EXOC6: variants seen among roughly 807,000 people sequenced by gnomAD.
EXOC6 encodes SEC15-like 1.
EXOC6 carries 60 observed loss-of-function variants against 112.5 expected under a neutral mutation model. The observed-to-expected ratio is 0.53, with a 90% CI of 0.43 to 0.66. The LOEUF is 0.66. Ranked by LOEUF, EXOC6 falls within the 30% of genes least tolerant of loss-of-function variation. The pLI is 0.00. For missense variants in EXOC6, 855 were observed against 957.1 expected (o/e 0.89, Z 1.41); for synonymous variants, 295 against 308.0 (o/e 0.96, Z 0.44).
chr10:92,975,579 C>G (rs1842520423), intron 18 of EXOC6, among the ~76,000 whole-genome samples: 1 of 144,962 alleles, frequency 6.9e-6, no homozygotes, highest in African/African-American at 2.6e-5. Flanking sequence ...GGGATCAGCC[C>G]CCTGCCCGGC....
At chr10:92,862,741 A>G (rs1295004111) in intron 1 of EXOC6, among the ~76,000 whole-genome samples, 1 of 152,226 alleles carries the variant, frequency 6.6e-6, no homozygotes, top group Non-Finnish European at 1.5e-5. Context: ...AATTCTCATT[A>G]TATAGATAGT....
At chr10:92,857,164 T>A (rs1465264956) in intron 1 of EXOC6, among the ~76,000 whole-genome samples, 2 of 127,076 alleles carry the variant, frequency 1.6e-5, no homozygotes, top group Non-Finnish European at 3.4e-5. Context: ...ATTTCTTTCT[T>A]CCTTTTTTTT....
intron 8 of EXOC6, among the ~76,000 whole-genome samples, chr10:92,924,676 A>T (rs7897839): frequency 0.78 from 119,251 of 152,128 alleles, 47,996 homozygotes; most frequent in East Asian, 1. Context: ...TGCATTTTTT[A>T]ATGTACTTTT....
chr10:92,855,359 G>C (rs4933749), intron 1 of EXOC6, among the ~76,000 whole-genome samples: 113,894 of 152,090 alleles, frequency 0.75, 43,445 homozygotes, highest in East Asian at 1. Flanking sequence ...ACCATGCCCA[G>C]CTCTGTAATT....
At chr10:92,868,766 T>A (rs1848298684) in intron 1 of EXOC6, among the ~76,000 whole-genome samples, 1 of 151,888 alleles carries the variant, frequency 6.6e-6, no homozygotes. Flanking sequence ...ACTATTTTAA[T>A]TGGGCCCTCC....
intron 16 of EXOC6, among the ~76,000 whole-genome samples, chr10:92,955,004 C>T (rs527613985): frequency 6.6e-6 from 1 of 152,022 alleles, no homozygotes; most frequent in African/African-American, 2.4e-5. Flanking sequence ...CCAGCCTGGG[C>T]AATATAGTGA....
chr10:92,950,745 G>T (rs1159351439), intron 14 of EXOC6, among the ~76,000 whole-genome samples: 1 of 152,172 alleles, frequency 6.6e-6, no homozygotes, highest in Non-Finnish European at 1.5e-5. Flanking sequence ...TTTTCCTGAG[G>T]GTTATGGGAA....
intron 9 of EXOC6, among the ~76,000 whole-genome samples, chr10:92,929,815 T>A (rs779665200): frequency 5.3e-5 from 8 of 152,194 alleles, no homozygotes; most frequent in Non-Finnish European, 8.8e-5. Flanking sequence ...AAGGAAAAAT[T>A]ACTGAAGTGA....
intron 13 of EXOC6, among the ~76,000 whole-genome samples, chr10:92,942,013 A>G (rs908947740): frequency 4.6e-5 from 7 of 152,234 alleles, no homozygotes; most frequent in African/African-American, 1.7e-4. Context: ...TTAAAATAAA[A>G]GTACGTTAGA....
At chr10:92,851,543 G>A (rs1457590857) in intron 1 of EXOC6, among the ~76,000 whole-genome samples, 5 of 152,018 alleles carry the variant, frequency 3.3e-5, no homozygotes, top group Non-Finnish European at 7.4e-5. Context: ...CCAGCTGCTC[G>A]AGAGGCTGAG....
chr10:92,894,855 A>G lies in EXOC6; in HGVS notation c.321+14A>G, dbSNP rs763943747. The stretch of plus-strand genomic sequence containing the variant: ...GCTGGAAAAGAGGTGAGAAAATGAT[A>G]CTTTTCTGGGTATTCAGTATGTAGT... On this transcript the variant is annotated intron_variant, in intron 3 of 21. Transcript: ENST00000260762. 2.5e-6 allele frequency: 4 copies of G among 1,612,252 alleles called. No homozygotes were observed. The Admixed American group carries it at 5.0e-5, about 20-fold the overall frequency.
At chr10:92,951,486 G>A (rs1278152492) in intron 14 of EXOC6, among the ~76,000 whole-genome samples, 1 of 152,102 alleles carries the variant, frequency 6.6e-6, no homozygotes, top group African/African-American at 2.4e-5. Context: ...AAAAAGTCAG[G>A]TAACATGAGA....
chr10:92,848,472 G>A (rs1847147148), upstream of EXOC6: 1 of 1,170,614 alleles, frequency 8.5e-7, no homozygotes, highest in Non-Finnish European at 1.1e-6. Flanking sequence ...CGCGCCACTT[G>A]GAGCTCGCCC....
At chr10:92,840,499 A>G (rs927594643) in intron 1 of EXOC6, among the ~76,000 whole-genome samples, 1 of 152,146 alleles carries the variant, frequency 6.6e-6, no homozygotes, top group African/African-American at 2.4e-5. Context: ...TCCATTTGGG[A>G]TGGATATTCT....
At chr10:93,028,724 C>T (rs1845132162) in intron 20 of EXOC6, among the ~76,000 whole-genome samples, 1 of 150,456 alleles carries the variant, frequency 6.6e-6, no homozygotes, top group African/African-American at 2.4e-5. Context: ...ATCCTAGCTA[C>T]TTGGGAGACT....
chr10:92,937,054 AACT>A (rs1852382695), intron 12 of EXOC6, among the ~76,000 whole-genome samples: 1 of 152,222 alleles, frequency 6.6e-6, no homozygotes, highest in Non-Finnish European at 1.5e-5. Context: ...ATTATTTCAG[AACT>A]CAATATTTTT....
intron 17 of EXOC6, among the ~76,000 whole-genome samples, chr10:92,965,521 A>G (rs1842009145): frequency 6.6e-6 from 1 of 152,178 alleles, no homozygotes; most frequent in Non-Finnish European, 1.5e-5. Flanking sequence ...AGAGTTGATA[A>G]TGCTCTTGAC....
At chr10:92,849,327 A>G (rs775044509) in intron 1 of EXOC6, among the ~76,000 whole-genome samples, 11 of 152,180 alleles carry the variant, frequency 7.2e-5, no homozygotes, top group Non-Finnish European at 1.5e-4. Flanking sequence ...ACTTATTTAC[A>G]AACATTTCAT....
intron 1 of EXOC6, among the ~76,000 whole-genome samples, chr10:92,828,604 G>T (rs894366560): frequency 1.7e-4 from 25 of 148,256 alleles, no homozygotes; most frequent in South Asian, 1.5e-3. Flanking sequence ...AGGGTGCTAG[G>T]ATTACAGGTG....
Sources: allele counts gnomAD v4.1 joint callset (sites outside exome capture counted in the v4.1 genomes callset), GRCh38; gene constraint gnomAD v4.1.1; transcripts MANE v1.5; gene names NCBI Gene and HGNC (gene_info 2026-07-23, HGNC 2026-07-21).